The following CDH12 variants were observed in gnomAD, a reference collection of about 807,000 sequenced individuals.
The protein encoded by CDH12 is cadherin-12.
Under a neutral mutation model 74.1 loss-of-function variants are expected in CDH12, and 41 were observed. The ratio of observed to expected loss-of-function variants is 0.55; its 90% confidence interval spans 0.43 to 0.72. The LOEUF is 0.72. CDH12 is among the 30% of genes least tolerant of loss of function. CDH12 has a pLI of 0.00. For missense variants in CDH12, 945 were observed against 977.2 expected (o/e 0.97, Z 0.44); for synonymous variants, 399 against 355.0 (o/e 1.12, Z -1.39).
chr5:22,271,881 T>A (rs1442145671), intron 3 of CDH12, among the ~76,000 whole-genome samples: 1 of 152,292 alleles, frequency 6.6e-6, no homozygotes, highest in African/African-American at 2.4e-5. Context: ...ACTCAGATTT[T>A]GTTGTTCCAT....
chr5:22,565,078 G>C (rs1372589108), intron 1 of CDH12, among the ~76,000 whole-genome samples: 5 of 152,138 alleles, frequency 3.3e-5, no homozygotes, highest in African/African-American at 1.2e-4. Flanking sequence ...TGGGACTACA[G>C]GTGAGTGCCA....
chr5:22,547,826 G>C (rs1220824493), intron 1 of CDH12, among the ~76,000 whole-genome samples: 2 of 152,108 alleles, frequency 1.3e-5, no homozygotes, highest in Non-Finnish European at 2.9e-5. Context: ...AACACATTGA[G>C]TAGGGGATTG....
chr5:22,485,449 C>T (rs534336918), intron 2 of CDH12, among the ~76,000 whole-genome samples: 1 of 152,294 alleles, frequency 6.6e-6, no homozygotes, highest in East Asian at 1.9e-4. Flanking sequence ...CTTCAGCCAT[C>T]CAATGTGCAG....
At chr5:22,405,707 C>T (rs536107362) in intron 2 of CDH12, among the ~76,000 whole-genome samples, 37 of 152,240 alleles carry the variant, frequency 2.4e-4, no homozygotes, top group African/African-American at 8.9e-4. Flanking sequence ...ACAAACAGAC[C>T]TGGTAGCTCA....
At chr5:22,791,968 G>C (rs79905879) in intron 1 of CDH12, among the ~76,000 whole-genome samples, 1 of 151,798 alleles carries the variant, frequency 6.6e-6, no homozygotes, top group African/African-American at 2.4e-5. Context: ...ATTAACATAC[G>C]TCTTCTCTAA....
chr5:22,556,450 T>C (rs1307684660), intron 1 of CDH12, among the ~76,000 whole-genome samples: 1 of 152,074 alleles, frequency 6.6e-6, no homozygotes, highest in Non-Finnish European at 1.5e-5. Flanking sequence ...GAAAATATTT[T>C]CTCAAGAACC....
chr5:22,638,950 C>T (rs1002770346), intron 1 of CDH12: 5 of 148,190 alleles, frequency 3.4e-5, no homozygotes, highest in African/African-American at 1.2e-4. Flanking sequence ...ACTCTGGAGG[C>T]TGAGGCAGGA....
chr5:22,520,558 A>G (rs977505206), intron 1 of CDH12, among the ~76,000 whole-genome samples: 20 of 152,110 alleles, frequency 1.3e-4, no homozygotes, highest in African/African-American at 4.6e-4. Flanking sequence ...TACTTATCCA[A>G]CCTGGCTTAA....
At chr5:22,348,017 C>T (rs1740190035) in intron 3 of CDH12, among the ~76,000 whole-genome samples, 1 of 152,166 alleles carries the variant, frequency 6.6e-6, no homozygotes, top group African/African-American at 2.4e-5. Context: ...CACCTTCCAA[C>T]AACCAGAACC....
intron 6 of CDH12, among the ~76,000 whole-genome samples, chr5:21,868,734 G>C (rs1312059326): frequency 6.6e-6 from 1 of 152,186 alleles, no homozygotes; most frequent in Admixed American, 6.5e-5. Flanking sequence ...CACAACTAAA[G>C]AGGAATTTGC....
intron 8 of CDH12, among the ~76,000 whole-genome samples, chr5:21,830,342 T>C (rs1274089299): frequency 2.7e-5 from 4 of 146,628 alleles, no homozygotes; most frequent in Non-Finnish European, 5.9e-5. Flanking sequence ...GAGAGGAAAA[T>C]ATAAGAGGGA....
chr5:22,639,554 G>A (rs1212827055), intron 1 of CDH12, among the ~76,000 whole-genome samples: 1 of 151,336 alleles, frequency 6.6e-6, no homozygotes, highest in Admixed American at 6.6e-5. Context: ...AACTGAATTG[G>A]AACCAAGAGG....
intron 3 of CDH12, among the ~76,000 whole-genome samples, chr5:22,294,774 C>A (rs1001305555): frequency 2.6e-5 from 4 of 152,162 alleles, no homozygotes; most frequent in African/African-American, 9.7e-5. Flanking sequence ...AGGTTTCTTC[C>A]CGACTATAGG....
intron 8 of CDH12, among the ~76,000 whole-genome samples, chr5:21,839,625 T>C (rs952786127): frequency 1.3e-5 from 2 of 152,088 alleles, no homozygotes; most frequent in Non-Finnish European, 2.9e-5. Flanking sequence ...TAGTAAAATA[T>C]GGAAAAACTT....
intron 5 of CDH12, among the ~76,000 whole-genome samples, chr5:22,056,877 G>A (rs1283301283): frequency 6.6e-6 from 1 of 152,154 alleles, no homozygotes; most frequent in Non-Finnish European, 1.5e-5. Flanking sequence ...AGCCGGAAAA[G>A]AGCCGACAAT....
At chr5:22,302,961 A>G (rs1737955600) in intron 3 of CDH12, among the ~76,000 whole-genome samples, 1 of 152,150 alleles carries the variant, frequency 6.6e-6, no homozygotes, top group Non-Finnish European at 1.5e-5. Flanking sequence ...AAATGTTGAA[A>G]TATGAATGTG....
At chr5:21,826,036 T>A (rs1748653326) in intron 8 of CDH12, among the ~76,000 whole-genome samples, 1 of 152,212 alleles carries the variant, frequency 6.6e-6, no homozygotes, top group African/African-American at 2.4e-5. Context: ...CCTCCTGTTC[T>A]ACTTTACAAA....
chr5:22,614,647 C>A (rs1737597898), intron 1 of CDH12, among the ~76,000 whole-genome samples: 1 of 152,052 alleles, frequency 6.6e-6, no homozygotes. Context: ...TAGCAAAGGA[C>A]CAAATCATGC....
intron 1 of CDH12, among the ~76,000 whole-genome samples, chr5:22,572,367 A>G (rs930799437): frequency 6.6e-6 from 1 of 152,188 alleles, no homozygotes; most frequent in Non-Finnish European, 1.5e-5. Flanking sequence ...GAAATTTACC[A>G]GCATTAGTTA....
Sources: gnomAD v4.1 joint callset for allele counts (sites outside exome capture counted in the v4.1 genomes callset) on GRCh38, gnomAD v4.1.1 for gene constraint, MANE v1.5 for transcripts, NCBI Gene and HGNC (gene_info 2026-07-23, HGNC 2026-07-21) for gene names.